The following MBTPS1 variants were observed in gnomAD, a reference collection of about 807,000 sequenced individuals.
The protein encoded by MBTPS1 is membrane-bound transcription factor site-1 protease.
A neutral mutation model predicts 127.8 loss-of-function variants in MBTPS1; 94 were observed. That is an observed-to-expected ratio of 0.74 (90% CI 0.62 to 0.87). The LOEUF (loss-of-function observed/expected upper bound fraction) is 0.87, where lower values mean the gene tolerates loss of function less well. Ranked by LOEUF, MBTPS1 falls within the 40% of genes least tolerant of loss-of-function variation. The pLI, the probability that MBTPS1 is intolerant of heterozygous loss-of-function variation, is 0.00. For synonymous variants in MBTPS1, 632 were observed against 509.4 expected (o/e 1.24, Z -3.24); for missense variants, 1,636 against 1,353.2 (o/e 1.21, Z -3.28).
rs1296932474 is a variant in MBTPS1 at position 84,068,372 on chromosome 16, C to T, written c.2038G>A (p.Ala680Thr). The T allele has an allele frequency of 6.2e-7, 1 of 1,613,966 alleles. No homozygotes were observed. Among genetic ancestry groups the T allele is most frequent in the African/African-American group, 1.3e-5 (1 of 74,938 alleles). ...SMGYFVEVLG[A>T]PFTCFDASQY... ...CTGGCATCAAAACACGTGAAGGGGG[C>T]CCCGAGGACCTCTACAAAGTAGCCC... Residue 680 changes from alanine to threonine, a missense_variant, in exon 15 of 23, where the codon GCC becomes ACC. Physicochemically the swap from Ala to Thr is moderately conservative, Grantham distance 58. Coordinates refer to ENST00000343411, the MANE Select transcript of MBTPS1 (RefSeq NM_003791.4).
intron 11 of MBTPS1, among the ~76,000 whole-genome samples, chr16:84,077,783 C>T (rs545191785): frequency 1.4e-4 from 22 of 152,270 alleles, no homozygotes; most frequent in African/African-American, 5.3e-4. Context: ...AAACACCTTA[C>T]ACTAAGTCAA....
At chr16:84,078,529 A>G (rs942023285) in intron 11 of MBTPS1, among the ~76,000 whole-genome samples, 3 of 152,226 alleles carry the variant, frequency 2.0e-5, no homozygotes, top group Non-Finnish European at 4.4e-5. Context: ...GACGCTCTCA[A>G]TGCTGAGCAG....
At chr16:84,083,545 C>T (rs1377033920) in intron 10 of MBTPS1, among the ~76,000 whole-genome samples, 1 of 152,176 alleles carries the variant, frequency 6.6e-6, no homozygotes, top group African/African-American at 2.4e-5. Flanking sequence ...CCTGCCTTGG[C>T]CTCCCAAAGT....
chr16:84,063,896 C>G (rs1008885077), intron 18 of MBTPS1, among the ~76,000 whole-genome samples: 1 of 152,140 alleles, frequency 6.6e-6, no homozygotes, highest in Admixed American at 6.5e-5. Flanking sequence ...CCAGGTTTCA[C>G]GTTTTATTAT....
chr16:84,078,741 G>A (rs1161764608), intron 11 of MBTPS1, among the ~76,000 whole-genome samples: 1 of 152,178 alleles, frequency 6.6e-6, no homozygotes, highest in Non-Finnish European at 1.5e-5. Flanking sequence ...CACTGACGTG[G>A]AGAGATTTCC....
chr16:84,094,704 G>A (rs377227676), intron 4 of MBTPS1, among the ~76,000 whole-genome samples: 3 of 152,222 alleles, frequency 2.0e-5, no homozygotes, highest in African/African-American at 4.8e-5. Flanking sequence ...TTTGGTTTGG[G>A]GGGAATAAAA....
intron 9 of MBTPS1, chr16:84,086,559 A>T (rs980987560): frequency 6.6e-6 from 1 of 152,422 alleles, no homozygotes; most frequent in Non-Finnish European, 1.5e-5. Context: ...ACGCTGTCAC[A>T]GGACAAAGGC....
At chr16:84,069,750 C>A in intron 14 of MBTPS1, 116 bp downstream of exon 14, 2 of 970,278 alleles carry the variant, frequency 2.1e-6, no homozygotes, top group Admixed American at 5.1e-5. Context: ...TCAGCGTCAT[C>A]AGAGTCCAGG....
chr16:84,108,744 G>A (rs1237521744), intron 1 of MBTPS1, among the ~76,000 whole-genome samples: 2 of 152,198 alleles, frequency 1.3e-5, no homozygotes, highest in Admixed American at 6.5e-5. Flanking sequence ...CAGGTGAGGG[G>A]GTCAGAGCCT....
intron 6 of MBTPS1, 62 bp downstream of exon 6, chr16:84,093,126 G>A (rs2086132514): frequency 1.8e-6 from 2 of 1,097,928 alleles, no homozygotes; most frequent in East Asian, 4.7e-5. Context: ...ACAGTCCAGT[G>A]ATTCTGCTTT....
chr16:84,082,642 A>T (rs2085958342), intron 10 of MBTPS1, among the ~76,000 whole-genome samples: 1 of 152,218 alleles, frequency 6.6e-6, no homozygotes, highest in South Asian at 2.1e-4. Flanking sequence ...ATATCAGTAC[A>T]CAAAAAAGGA....
At chr16:84,114,667 T>C (rs911360401) in intron 1 of MBTPS1, among the ~76,000 whole-genome samples, 1 of 151,416 alleles carries the variant, frequency 6.6e-6, no homozygotes, top group Admixed American at 6.6e-5. Context: ...CCGTCTCTAC[T>C]AAAAATACAA....
intron 6 of MBTPS1, 57 bp from the exon 7 acceptor site, chr16:84,091,905 G>T: frequency 9.9e-7 from 1 of 1,005,958 alleles, no homozygotes. Context: ...AAAGTGCTAG[G>T]ACAGTTTTTA....
At chr16:84,058,225 G>A (rs1459620363) in intron 21 of MBTPS1, among the ~76,000 whole-genome samples, 1 of 152,246 alleles carries the variant, frequency 6.6e-6, no homozygotes, top group Non-Finnish European at 1.5e-5. Context: ...TACGGTCAGT[G>A]CGTGGTGTGT....
At chr16:84,100,374 G>C (rs978116238) in intron 2 of MBTPS1, among the ~76,000 whole-genome samples, 2 of 152,186 alleles carry the variant, frequency 1.3e-5, no homozygotes, top group African/African-American at 4.8e-5. Context: ...GAGAAACGCA[G>C]TCTCTACTAA....
In MBTPS1 at chr16:84,098,758, G is replaced by A. The variant is rs529500545; in HGVS notation, c.421+295C>T. 4.9e-4 allele frequency among the ~76,000 whole-genome samples: 74 copies of A among 152,284 alleles called. 2 individuals carry two copies. The highest frequency in any genetic ancestry group is 8.5e-4 in the Admixed American group (13 of 15,292). Reference sequence around the variant, plus strand: ...CTGAAGGCTTTGAGATGAAGCTGGCGAAAATCGCTTCCAACAGAAACAAAG... The same window carrying A: ...CTGAAGGCTTTGAGATGAAGCTGGCAAAAATCGCTTCCAACAGAAACAAAG... On this transcript the variant is annotated intron_variant, in intron 3 of 22. Coordinates refer to ENST00000343411, the MANE Select transcript of MBTPS1 (RefSeq NM_003791.4).
At chr16:84,096,391 T>C (rs1034232267) in intron 3 of MBTPS1, among the ~76,000 whole-genome samples, 5 of 152,372 alleles carry the variant, frequency 3.3e-5, no homozygotes, top group African/African-American at 9.6e-5. Context: ...AATTATTCCA[T>C]ATCTTGATTT....
chr16:84,116,265 T>C (rs974358262), intron 1 of MBTPS1, among the ~76,000 whole-genome samples: 3 of 152,170 alleles, frequency 2.0e-5, no homozygotes, highest in African/African-American at 4.8e-5. Context: ...GGCAAGATTT[T>C]TAAGAAGCTA....
intron 8 of MBTPS1, among the ~76,000 whole-genome samples, chr16:84,089,009 G>A (rs1036631988): frequency 2.0e-5 from 3 of 152,364 alleles, no homozygotes; most frequent in South Asian, 2.1e-4. Flanking sequence ...GCTACGGAGT[G>A]CAACCACCCA....
Sources: allele counts gnomAD v4.1 joint callset (sites outside exome capture counted in the v4.1 genomes callset), GRCh38; gene constraint gnomAD v4.1.1; transcripts MANE v1.5; gene names NCBI Gene and HGNC (gene_info 2026-07-23, HGNC 2026-07-21).